Variants in ATXN1 observed in about 807,000 individuals in gnomAD.
ATXN1 encodes ataxin 1.
ATXN1 carries 8 observed loss-of-function variants against 56.4 expected under a neutral mutation model. The observed-to-expected ratio is 0.14, with a 90% confidence interval of 0.08 to 0.26. The LOEUF (loss-of-function observed/expected upper bound fraction) is 0.26. ATXN1 is among the 10% of genes least tolerant of loss of function. ATXN1 has a pLI of 1.00. For synonymous variants in ATXN1, 514 were observed against 494.6 expected (o/e 1.04, Z -0.52); for missense variants, 987 against 1,106.5 (o/e 0.89, Z 1.53).
intron 2 of ATXN1, among the ~76,000 whole-genome samples, chr6:16,744,091 A>G (rs2113516198): frequency 6.6e-6 from 1 of 152,328 alleles, no homozygotes; most frequent in South Asian, 2.1e-4. Flanking sequence ...GAACAACAAT[A>G]CATCTAGACA....
At chr6:16,743,097 T>A (rs1037215360) in intron 2 of ATXN1, among the ~76,000 whole-genome samples, 1 of 152,222 alleles carries the variant, frequency 6.6e-6, no homozygotes, top group East Asian at 1.9e-4. Flanking sequence ...AATCTTCATA[T>A]AATCGAAATT....
chr6:16,694,513 G>A (rs1198448953), intron 2 of ATXN1, among the ~76,000 whole-genome samples: 1 of 152,150 alleles, frequency 6.6e-6, no homozygotes, highest in African/African-American at 2.4e-5. Flanking sequence ...CTATGTTAAT[G>A]AGGAACGTAA....
intron 3 of ATXN1, among the ~76,000 whole-genome samples, chr6:16,589,355 T>C (rs1366515541): frequency 6.6e-6 from 1 of 151,656 alleles, no homozygotes; most frequent in African/African-American, 2.4e-5. Flanking sequence ...GCGTGGCACA[T>C]AAATTAACAA....
Position 16,475,871 on chromosome 6 carries a change from C to CTT in ATXN1, c.-161+10099_-161+10100dup, listed in dbSNP as rs56262935. ...GTCCCTATCTTCTCCTTAGTCATTACTTTTTTTTTTTTTTTTGAGATGGAG... is the reference window on the plus strand; with the variant it reads ...GTCCCTATCTTCTCCTTAGTCATTACTTTTTTTTTTTTTTTTTTGAGATGGAG... On this transcript the variant is annotated intron_variant, in intron 6 of 7. Transcript: ENST00000436367. Among the ~76,000 whole-genome samples, 725 of 139,184 alleles carry CTT rather than the reference C, an allele frequency of 5.2e-3. 4 individuals carry two copies. Among genetic ancestry groups the CTT allele is most frequent in the African/African-American group, 0.018 (675 of 38,234 alleles). 91.3% of individuals were successfully genotyped at this position (139,184 alleles called of 152,430 possible).
intron 2 of ATXN1, among the ~76,000 whole-genome samples, chr6:16,715,930 T>G (rs1268246178): frequency 6.6e-6 from 1 of 152,152 alleles, no homozygotes; most frequent in African/African-American, 2.4e-5. Context: ...CTGGATACCA[T>G]GCACACTCAA....
chr6:16,601,593 G>C (rs761374900), intron 3 of ATXN1, among the ~76,000 whole-genome samples: 11 of 152,188 alleles, frequency 7.2e-5, no homozygotes, highest in Non-Finnish European at 1.6e-4. Flanking sequence ...GCTCACGCCT[G>C]TAATCCCAGC....
chr6:16,477,654 A>G (rs1760353139), intron 6 of ATXN1, among the ~76,000 whole-genome samples: 1 of 152,092 alleles, frequency 6.6e-6, no homozygotes, highest in Non-Finnish European at 1.5e-5. Flanking sequence ...CATGTCTCCA[A>G]CTCTGCATGC....
rs1215321236 is a variant in ATXN1, at chr6:16,373,095, G to T, written c.-160-44625C>A. Among the ~76,000 whole-genome samples, 6 of 152,186 alleles carry T rather than the reference G, an allele frequency of 3.9e-5. No individual in the cohort carries two copies. The South Asian group carries it at 1.2e-3, about 31-fold the overall frequency. ...ACACATAGGGCCATGTAGGTGTCCT[G>T]TTAACTCCATGGAGGAGGTTTCTGG... On this transcript the variant is annotated intron_variant, in intron 6 of 7. Transcript: ENST00000436367.
chr6:16,604,787 A>G (rs1266749266), intron 3 of ATXN1, among the ~76,000 whole-genome samples: 8 of 150,996 alleles, frequency 5.3e-5, no homozygotes, highest in Admixed American at 5.3e-4. Flanking sequence ...AGGCCTCACT[A>G]TGTTGCCCAG....
At chr6:16,562,488 A>G (rs71533660) in intron 4 of ATXN1, among the ~76,000 whole-genome samples, 23,849 of 110,732 alleles carry the variant, frequency 0.22, 2,974 homozygotes, top group East Asian at 0.59. Context: ...GAGGAGAGGA[A>G]AGGAAAGGAA....
intron 6 of ATXN1, among the ~76,000 whole-genome samples, chr6:16,453,418 G>A (rs546397734): frequency 2.6e-5 from 4 of 152,204 alleles, no homozygotes; most frequent in South Asian, 2.1e-4. Flanking sequence ...CCAAGATTGC[G>A]CCACTGCACT....
chr6:16,593,049 CTACAGAGCACTGACTGGTGCATTTT>C (rs1410798604), intron 3 of ATXN1, among the ~76,000 whole-genome samples: 3 of 152,154 alleles, frequency 2.0e-5, no homozygotes, highest in Non-Finnish European at 4.4e-5. Flanking sequence ...CTCTTGCTAG[CTACAGAGCACTGACTGGTGCATTTT>C]TACAGAGCAC....
At position 16,700,908 on chromosome 6, in the gene ATXN1, T is replaced by G. The variant is rs143485184; in HGVS notation, c.-614-43007A>C. The stretch of plus-strand genomic sequence containing the variant: ...CAGCTAAAAACCCAACATGGGACAA[T>G]TACTATCACCTTTAAACTTTGGTTT... On this transcript the variant is annotated intron_variant, in intron 2 of 7. Coordinates refer to ENST00000436367, the MANE Select transcript of ATXN1 (RefSeq NM_001128164.2). Among the ~76,000 whole-genome samples the G allele has an allele frequency of 4.2e-3, 637 of 152,096 alleles. 5 individuals are homozygous for G. Among genetic ancestry groups the G allele is most frequent in the African/African-American group, 0.015 (617 of 41,462 alleles).
chr6:16,384,723 C>T (rs1758202783), intron 6 of ATXN1, among the ~76,000 whole-genome samples: 1 of 152,208 alleles, frequency 6.6e-6, no homozygotes, highest in Non-Finnish European at 1.5e-5. Flanking sequence ...CTTTCCCTTC[C>T]TCCTGCTCCA....
chr6:16,591,798 T>A (rs1762727679), intron 3 of ATXN1, among the ~76,000 whole-genome samples: 1 of 152,186 alleles, frequency 6.6e-6, no homozygotes, highest in Non-Finnish European at 1.5e-5. Flanking sequence ...CACACTTTGA[T>A]ACTCTTATGA....
intron 7 of ATXN1, among the ~76,000 whole-genome samples, chr6:16,315,120 A>G (rs1351330401): frequency 6.6e-6 from 1 of 152,114 alleles, no homozygotes; most frequent in Non-Finnish European, 1.5e-5. Context: ...CTATCCGATG[A>G]CGTCCACTCA....
intron 2 of ATXN1, among the ~76,000 whole-genome samples, chr6:16,711,862 C>G (rs927255498): frequency 2.6e-5 from 4 of 152,150 alleles, no homozygotes; most frequent in Non-Finnish European, 5.9e-5. Flanking sequence ...AAGCAATATG[C>G]CTGCCTTGGC....
chr6:16,438,500 T>C (rs1055385113), intron 6 of ATXN1, among the ~76,000 whole-genome samples: 1 of 152,186 alleles, frequency 6.6e-6, no homozygotes, highest in African/African-American at 2.4e-5. Flanking sequence ...AAGGTAAAGG[T>C]GATGTTCAAT....
intron 2 of ATXN1, among the ~76,000 whole-genome samples, chr6:16,692,984 T>C (rs1759081653): frequency 6.6e-6 from 1 of 152,112 alleles, no homozygotes; most frequent in South Asian, 2.1e-4. Flanking sequence ...AGCATAATGG[T>C]GGAGTGCATG....
Sources: allele counts gnomAD v4.1 joint callset (sites outside exome capture counted in the v4.1 genomes callset), GRCh38; gene constraint gnomAD v4.1.1; transcripts MANE v1.5; gene names NCBI Gene and HGNC (gene_info 2026-07-23, HGNC 2026-07-21).